FHOD3: variants seen among roughly 807,000 people sequenced by gnomAD.
The protein encoded by FHOD3 is FH1/FH2 domain-containing protein 3.
A neutral mutation model predicts 173.0 loss-of-function variants in FHOD3; 90 were observed. The ratio of observed to expected loss-of-function variants is 0.52; its 90% CI spans 0.44 to 0.62. The LOEUF (loss-of-function observed/expected upper bound fraction) is 0.62, where lower values mean the gene tolerates loss of function less well. FHOD3 is among the 20% of genes least tolerant of loss of function. The pLI, the probability that FHOD3 is intolerant of heterozygous loss-of-function variation, is 0.00. For synonymous variants in FHOD3, 828 were observed against 823.0 expected, an observed-to-expected ratio of 1.01 and a Z score of -0.10; for missense variants, 1,945 against 2,034.7, an observed-to-expected ratio of 0.96 and a Z score of 0.85.
At chr18:36,484,922 G>GC (rs1257002047) in intron 3 of FHOD3, among the ~76,000 whole-genome samples, 1 of 152,104 alleles carries the variant, frequency 6.6e-6, no homozygotes, top group Admixed American at 6.6e-5. Flanking sequence ...CTGTTACTGT[G>GC]CCCCCCACCC....
At chr18:36,462,433 G>A (rs140726417) in intron 3 of FHOD3, among the ~76,000 whole-genome samples, 48 of 152,092 alleles carry the variant, frequency 3.2e-4, no homozygotes, top group African/African-American at 9.4e-4. Context: ...CTGGGTTCAC[G>A]CCATTCTTCT....
At chr18:36,386,510 C>T (rs548934050) in intron 3 of FHOD3, among the ~76,000 whole-genome samples, 1 of 152,340 alleles carries the variant, frequency 6.6e-6, no homozygotes, top group African/African-American at 2.4e-5. Context: ...CCCCATGGAG[C>T]TGTCTTGGCT....
chr18:36,670,592 T>C (rs1331435320), intron 14 of FHOD3, among the ~76,000 whole-genome samples: 3 of 152,362 alleles, frequency 2.0e-5, no homozygotes, highest in Non-Finnish European at 4.4e-5. Context: ...CTTGAATATG[T>C]GGACTATAGT....
At chr18:36,615,270 A>AT (rs1337780354) in intron 9 of FHOD3, among the ~76,000 whole-genome samples, 3 of 152,100 alleles carry the variant, frequency 2.0e-5, no homozygotes, top group African/African-American at 7.2e-5. Flanking sequence ...TCCACTTCTG[A>AT]TATAACTGAT....
intron 3 of FHOD3, among the ~76,000 whole-genome samples, chr18:36,465,366 A>G (rs2144896197): frequency 6.6e-6 from 1 of 152,280 alleles, no homozygotes; most frequent in East Asian, 1.9e-4. Context: ...CCCTAAGAGG[A>G]GCACAAGCAA....
intron 19 of FHOD3, among the ~76,000 whole-genome samples, chr18:36,730,109 A>G (rs1021583177): frequency 3.3e-5 from 5 of 152,202 alleles, no homozygotes; most frequent in South Asian, 2.1e-4. Flanking sequence ...GTGCTCTGGT[A>G]TAAGGGGCAT....
intron 5 of FHOD3, among the ~76,000 whole-genome samples, chr18:36,541,364 G>T (rs751273560): frequency 6.6e-6 from 1 of 151,930 alleles, no homozygotes; most frequent in Non-Finnish European, 1.5e-5. Context: ...GGATTTCTTG[G>T]GGCTAAGAGT....
Position 36,597,829 on chromosome 18 carries a change from C to A in FHOD3, c.718+2931C>A, listed in dbSNP as rs913462336. Among the ~76,000 whole-genome samples the A allele has an allele frequency of 2.7e-5, 4 of 150,858 alleles. No individual in the cohort carries two copies. In the South Asian group the frequency reaches 6.3e-4, roughly 24 times the overall value. ...CTGAAAAAAAAAAAAAAAGGAATGG[C>A]ACTAATGAAAAAACTCAGAAATAGC... is the stretch of plus-strand genomic sequence containing the variant. On this transcript the variant is annotated intron_variant, in intron 7 of 28. Transcript: ENST00000590592.
chr18:36,660,182 T>C (rs950048989), intron 14 of FHOD3, among the ~76,000 whole-genome samples: 1 of 152,038 alleles, frequency 6.6e-6, no homozygotes, highest in African/African-American at 2.4e-5. Flanking sequence ...GGCAGGAGAA[T>C]CACTTGAACC....
intron 17 of FHOD3, among the ~76,000 whole-genome samples, chr18:36,704,274 C>T (rs1014124435): frequency 6.6e-5 from 10 of 152,226 alleles, no homozygotes; most frequent in Non-Finnish European, 1.5e-4. Flanking sequence ...TGCATCCTAG[C>T]GATGCTGAGA....
At chr18:36,565,519 C>T (rs2058231823) in intron 5 of FHOD3, among the ~76,000 whole-genome samples, 1 of 152,140 alleles carries the variant, frequency 6.6e-6, no homozygotes, top group Non-Finnish European at 1.5e-5. Context: ...TCCCAATGTG[C>T]AAATCACAGA....
chr18:36,496,255 G>A (rs894872257), intron 3 of FHOD3, among the ~76,000 whole-genome samples: 7 of 152,224 alleles, frequency 4.6e-5, no homozygotes, highest in Non-Finnish European at 8.8e-5. Flanking sequence ...TTTGGTCTGT[G>A]TGGGCCTCTC....
At chr18:36,361,220 T>C (rs543161950) in intron 2 of FHOD3, among the ~76,000 whole-genome samples, 2 of 151,902 alleles carry the variant, frequency 1.3e-5, no homozygotes, top group South Asian at 4.2e-4. Flanking sequence ...CTGCTCTCAG[T>C]GGGGGAGAAA....
chr18:36,716,332 A>G (rs1047507226), intron 18 of FHOD3, among the ~76,000 whole-genome samples: 1 of 152,222 alleles, frequency 6.6e-6, no homozygotes, highest in Non-Finnish European at 1.5e-5. Flanking sequence ...GGTGTAGCCA[A>G]CAAGATGCAC....
At chr18:36,364,747 AG>A (rs2046812360) in intron 2 of FHOD3, among the ~76,000 whole-genome samples, 1 of 152,230 alleles carries the variant, frequency 6.6e-6, no homozygotes, top group Non-Finnish European at 1.5e-5. Flanking sequence ...ATGGGTATTG[AG>A]TGGGTAACCA....
intron 3 of FHOD3, among the ~76,000 whole-genome samples, chr18:36,441,697 G>A (rs2051162575): frequency 6.6e-6 from 1 of 152,202 alleles, no homozygotes; most frequent in Admixed American, 6.5e-5. Context: ...CAGCTGTGCT[G>A]TGTAATTGCC....
At chr18:36,682,592 T>G (rs1014186426) in intron 15 of FHOD3, among the ~76,000 whole-genome samples, 1 of 152,196 alleles carries the variant, frequency 6.6e-6, no homozygotes, top group Non-Finnish European at 1.5e-5. Context: ...TTGTTTTGTT[T>G]TGTTTTTTGA....
chr18:36,340,636 CTTTT>C (rs1394971885), intron 1 of FHOD3, among the ~76,000 whole-genome samples: 1 of 81,876 alleles, frequency 1.2e-5, no homozygotes, highest in Non-Finnish European at 3.6e-5. Flanking sequence ...GTCTCCTTTT[CTTTT>C]TTTTTCTTTT....
intron 6 of FHOD3, 109 bp from the exon 7 acceptor site, chr18:36,594,678 G>C: frequency 1.5e-6 from 1 of 666,310 alleles, no homozygotes; most frequent in South Asian, 1.9e-5. Flanking sequence ...TGTAATTGCT[G>C]AGAGCGTCTC....
Sources: gnomAD v4.1 joint callset for allele counts (sites outside exome capture counted in the v4.1 genomes callset) on GRCh38, gnomAD v4.1.1 for gene constraint, MANE v1.5 for transcripts, NCBI Gene and HGNC (gene_info 2026-07-23, HGNC 2026-07-21) for gene names.